The following MTTP variants were observed in gnomAD, a reference collection of about 807,000 sequenced individuals.
MTTP encodes the protein microsomal triglyceride transfer protein.
A neutral mutation model predicts 90.6 loss-of-function variants in MTTP; 49 were observed. The ratio of observed to expected loss-of-function variants is 0.54; its 90% CI spans 0.43 to 0.69. The LOEUF (loss-of-function observed/expected upper bound fraction) is 0.69, where lower values mean the gene tolerates loss of function less well. MTTP is among the 30% of genes least tolerant of loss of function. MTTP has a pLI of 0.00. For missense variants in MTTP, 945 were observed against 1,067.5 expected, an observed-to-expected ratio of 0.89 and a Z score of 1.60; for synonymous variants, 347 against 384.2, an observed-to-expected ratio of 0.90 and a Z score of 1.13.
chr4:99,601,604 T>C lies in MTTP; in HGVS notation c.1237-3T>C, dbSNP rs768497328. On this transcript the variant is annotated splice_polypyrimidine_tract_variant and splice_region_variant and intron_variant, in intron 9 of 17. Transcript: ENST00000265517. ...ACCTATTTTATCCCTGTTTGGTTAATAGAGTAAGTTCAAAGGTTCTATTGG... is the reference window on the plus strand; with the variant it reads ...ACCTATTTTATCCCTGTTTGGTTAACAGAGTAAGTTCAAAGGTTCTATTGG... 5 of 1,601,240 alleles carry C rather than the reference T, an allele frequency of 3.1e-6. No individual in the cohort carries two copies. The highest frequency in any genetic ancestry group is 2.2e-5 in the East Asian group (1 of 44,728).
At chr4:99,585,279 G>A (rs1177118996) in intron 3 of MTTP, among the ~76,000 whole-genome samples, 3 of 151,844 alleles carry the variant, frequency 2.0e-5, no homozygotes, top group Admixed American at 1.3e-4. Context: ...AGCAGTAAGG[G>A]CTGCCTTATC....
intron 10 of MTTP, among the ~76,000 whole-genome samples, chr4:99,603,859 G>C (rs1335679262): frequency 6.6e-6 from 1 of 152,122 alleles, no homozygotes; most frequent in Non-Finnish European, 1.5e-5. Context: ...AAGTCATGTA[G>C]CATAAGGAAA....
In MTTP at chr4:99,601,705, C is replaced by G; in HGVS notation, c.1335C>G (p.Cys445Trp). The G allele has an allele frequency of 6.2e-7, 1 of 1,610,930 alleles. No individual in the cohort carries two copies. ...LVRKLCQNEG[C>W]KLKAVVEAKK... is the part of the protein sequence containing the mutation. ...GAAAGTTGTGTCAGAATGAAGGCTG[C>G]AAACTCAAAGTAAGTGCAAATCCAA... is the stretch of plus-strand genomic sequence containing the variant. The change falls in exon 10 of 18, where the codon TGC (cysteine) becomes TGG (tryptophan). Residue 445 changes from cysteine to tryptophan, a missense_variant. Cys to Trp is a radical substitution (Grantham distance 215). Transcript: ENST00000265517.
chr4:99,618,874 G>A, intron 15 of MTTP, 100 bp from the exon 16 acceptor site: 1 of 1,475,464 alleles, frequency 6.8e-7, no homozygotes, highest in Non-Finnish European at 9.3e-7. Flanking sequence ...CAACTCAAAT[G>A]GAATTATCTA....
chr4:99,607,341 G>A (rs1725841811), intron 11 of MTTP, among the ~76,000 whole-genome samples: 1 of 152,146 alleles, frequency 6.6e-6, no homozygotes, highest in African/African-American at 2.4e-5. Flanking sequence ...TTAAACCTTT[G>A]TTAGGGCAGA....
At chr4:99,602,671 G>A (rs960754020) in intron 10 of MTTP, among the ~76,000 whole-genome samples, 9 of 152,052 alleles carry the variant, frequency 5.9e-5, no homozygotes, top group African/African-American at 2.2e-4. Context: ...AGTTCTGGCA[G>A]AAATTAAATT....
rs2110233337 is a variant in MTTP at position 99,613,134 on chromosome 4, T to C, written c.2211T>C (p.His737=). 1.9e-6 allele frequency: 3 copies of C among 1,612,426 alleles called. No individual in the cohort carries two copies. The highest frequency in any genetic ancestry group is 4.5e-5 in the East Asian group (2 of 44,852). ...VVKGLILLID[H]SQELQLQSGL... ...AAGGACTTATTCTGCTAATAGATCATTCTCAGGTAATTCATTCAGTCTGTG... is the reference window on the plus strand; with the variant it reads ...AAGGACTTATTCTGCTAATAGATCACTCTCAGGTAATTCATTCAGTCTGTG... The change falls in exon 15 of 18, where the codon CAT becomes CAC. Residue 737 remains histidine, a synonymous_variant. Transcript: ENST00000265517.
intron 8 of MTTP, among the ~76,000 whole-genome samples, 179 bp from the exon 9 acceptor site, chr4:99,600,385 TA>T: frequency 6.6e-6 from 1 of 152,070 alleles, no homozygotes; most frequent in Non-Finnish European, 1.5e-5. Context: ...AGGAGAAAAT[TA>T]AAATAAAATG....
intron 10 of MTTP, among the ~76,000 whole-genome samples, chr4:99,606,431 G>GT (rs1553927655): frequency 6.6e-6 from 1 of 152,138 alleles, no homozygotes; most frequent in African/African-American, 2.4e-5. Flanking sequence ...TGAATGAGCA[G>GT]TTTTTTGAAT....
intron 12 of MTTP, among the ~76,000 whole-genome samples, chr4:99,610,660 G>C (rs1725927529): frequency 6.6e-6 from 1 of 152,152 alleles, no homozygotes; most frequent in Non-Finnish European, 1.5e-5. Context: ...TTACTGAGCT[G>C]TTTCTGTAAT....
chr4:99,589,260 A>G (rs1365773900), intron 3 of MTTP, among the ~76,000 whole-genome samples: 2 of 151,058 alleles, frequency 1.3e-5, no homozygotes, highest in South Asian at 2.1e-4. Flanking sequence ...ATTTGCTATT[A>G]TTTTAAACCT....
intron 5 of MTTP, 107 bp from the exon 6 acceptor site, chr4:99,591,544 T>A: frequency 7.9e-7 from 1 of 1,264,926 alleles, no homozygotes. Context: ...GAGGGATGGG[T>A]GTAATGGGGA....
chr4:99,606,497 CAA>C (rs1400661063), intron 10 of MTTP, among the ~76,000 whole-genome samples: 1 of 152,140 alleles, frequency 6.6e-6, no homozygotes, highest in African/African-American at 2.4e-5. Flanking sequence ...GTGTTCAAAA[CAA>C]AATATGCCCA....
At chr4:99,564,467 CTG>C (rs1344657029) in intron 1 of MTTP, 4 of 483,346 alleles carry the variant, frequency 8.3e-6, no homozygotes, top group Non-Finnish European at 1.4e-5. Flanking sequence ...AATTTAGAAT[CTG>C]TAAGGCTTTT....
chr4:99,572,277 C>G (rs1724857322), upstream of MTTP, among the ~76,000 whole-genome samples: 1 of 151,920 alleles, frequency 6.6e-6, no homozygotes, highest in African/African-American at 2.4e-5. Flanking sequence ...TATCATAGAT[C>G]AGTTTTACCC....
chr4:99,566,306 A>G (rs953621808), intron 1 of MTTP, among the ~76,000 whole-genome samples: 13 of 151,702 alleles, frequency 8.6e-5, no homozygotes, highest in Admixed American at 6.6e-4. Context: ...AGAAAAAAAA[A>G]AAAAAAAAGA....
intron 1 of MTTP, among the ~76,000 whole-genome samples, chr4:99,567,801 C>T (rs1466750105): frequency 6.6e-6 from 1 of 152,058 alleles, no homozygotes; most frequent in Non-Finnish European, 1.5e-5. Flanking sequence ...ACACGTGTGT[C>T]ATTTTATGAA....
intron 14 of MTTP, among the ~76,000 whole-genome samples, chr4:99,612,232 A>G (rs1288155292): frequency 6.6e-6 from 1 of 152,084 alleles, no homozygotes; most frequent in Non-Finnish European, 1.5e-5. Flanking sequence ...AGGAATCACA[A>G]TCTGTTTTCT....
Position 99,600,369 on chromosome 4 carries a change from C to T in MTTP, c.1068-196C>T, listed in dbSNP as rs1462757516. 2.6e-5 allele frequency among the ~76,000 whole-genome samples: 4 copies of T among 151,594 alleles called. No homozygotes were observed. In the East Asian group the frequency reaches 5.8e-4, roughly 22 times the overall value. On this transcript the variant is annotated intron_variant, in intron 8 of 17. Transcript: ENST00000265517. ...ACATTGTTTGAGTGAGAGAGAGGGG[C>T]GTTCAAGGAGAAAATTAAAATAAAA...
Sources: gnomAD v4.1 joint callset for allele counts (sites outside exome capture counted in the v4.1 genomes callset) on GRCh38, gnomAD v4.1.1 for gene constraint, MANE v1.5 for transcripts, NCBI Gene and HGNC (gene_info 2026-07-23, HGNC 2026-07-21) for gene names.